The following CRISPLD1 variants were observed in gnomAD, a reference collection of about 807,000 sequenced individuals.
The protein encoded by CRISPLD1 is cysteine-rich secretory protein LCCL domain-containing 1.
In CRISPLD1, 60 loss-of-function variants were observed where a neutral mutation model predicts 77.5. The observed-to-expected ratio is 0.77, with a 90% confidence interval of 0.63 to 0.96. CRISPLD1 has a LOEUF of 0.96. Among genes scored for constraint, CRISPLD1 ranks in the 40% least tolerant of loss-of-function variants. The probability of loss-of-function intolerance (pLI) is 0.00; values close to 1 mark genes in which losing one functional copy is unlikely to be tolerated. For missense variants in CRISPLD1, 623 were observed against 615.8 expected (o/e 1.01, Z -0.12); for synonymous variants, 195 against 200.1 (o/e 0.97, Z 0.22).
At chr8:75,004,144 C>G (rs1278286873) in intron 2 of CRISPLD1, among the ~76,000 whole-genome samples, 1 of 152,114 alleles carries the variant, frequency 6.6e-6, no homozygotes, top group Non-Finnish European at 1.5e-5. Context: ...GCAGGAGACC[C>G]TAATTTGTGC....
chr8:75,015,392 AAAT>A (rs1264063827), intron 6 of CRISPLD1, among the ~76,000 whole-genome samples: 1 of 152,174 alleles, frequency 6.6e-6, no homozygotes, highest in African/African-American at 2.4e-5. Context: ...TGTCATGCTA[AAAT>A]AATAAGAAAA....
Position 75,029,490 on chromosome 8 carries a change from C to T in CRISPLD1, c.1424C>T (p.Ser475Phe), listed in dbSNP as rs1262820668. 6.2e-7 allele frequency: 1 copy of T among 1,613,668 alleles called. No individual in the cohort carries two copies. The highest frequency in any genetic ancestry group is 8.5e-7 in the Non-Finnish European group (1 of 1,179,720). ...PVDKRKTYIA[S>F]FQNGIFSESL... ...GACAAAAGAAAGACCTACATTGCTTCTTTTCAGAATGGAATCTTCTCAGAA... is the reference window on the plus strand; with the variant it reads ...GACAAAAGAAAGACCTACATTGCTTTTTTTCAGAATGGAATCTTCTCAGAA... Residue 475 changes from serine (S) to phenylalanine (F), a missense_variant, in exon 14 of 15, where the codon TCT becomes TTT. Transcript: ENST00000262207.
intron 3 of CRISPLD1, 21 bp downstream of exon 3, chr8:75,012,572 T>C (rs756586441): frequency 8.8e-6 from 13 of 1,474,398 alleles, no homozygotes; most frequent in Non-Finnish European, 1.1e-5. Context: ...GCACAACTTT[T>C]TCTTTATGAA....
intron 12 of CRISPLD1, among the ~76,000 whole-genome samples, chr8:75,023,059 C>T (rs1170665043): frequency 3.5e-5 from 5 of 144,080 alleles, no homozygotes; most frequent in Non-Finnish European, 6.0e-5. Flanking sequence ...CAAAGTTTAC[C>T]GGCAAATTGT....
chr8:75,028,033 T>C (rs977273515), intron 13 of CRISPLD1, among the ~76,000 whole-genome samples: 2 of 152,192 alleles, frequency 1.3e-5, no homozygotes, highest in East Asian at 1.9e-4. Flanking sequence ...GTAAATGTTA[T>C]ATCTAAGCAC....
rs1554593612 is a variant in CRISPLD1, at chr8:74,992,906, T to TTTTG, written c.258+6664_258+6665insGTTT. ...CCATGCTTAAAATTAGAAATTATGGTTTTTTTTTTTTTTTTTTTTTCCTTC... is the reference window on the plus strand; with the variant it reads ...CCATGCTTAAAATTAGAAATTATGGTTTTGTTTTTTTTTTTTTTTTTTTTCCTTC... On this transcript the variant is annotated intron_variant, in intron 2 of 14. Transcript: ENST00000262207. Among the ~76,000 whole-genome samples, 274 of 93,936 alleles carry TTTTG rather than the reference T, an allele frequency of 2.9e-3. 1 individual carries two copies. Among genetic ancestry groups the TTTTG allele is most frequent in the African/African-American group, 0.012 (252 of 20,616 alleles). The allele number at this position is 93,936 out of a possible 152,430, so 61.6% of individuals were successfully genotyped here. A position where few individuals can be genotyped will look rare whatever the true frequency, so the allele number is the denominator to read the frequency against.
chr8:75,025,513 C>T (rs778587859), intron 12 of CRISPLD1, 33 bp from the exon 13 acceptor site: 4 of 927,394 alleles, frequency 4.3e-6, no homozygotes, highest in Non-Finnish European at 6.1e-6. Context: ...AACCAGCTTA[C>T]TTAATATATA....
intron 12 of CRISPLD1, 66 bp downstream of exon 12, chr8:75,020,145 T>G: frequency 7.9e-7 from 1 of 1,272,260 alleles, no homozygotes; most frequent in East Asian, 2.3e-5. Context: ...AATTCTGATG[T>G]CTCTGGGATT....
In CRISPLD1 at chr8:75,013,018, C is replaced by A; in HGVS notation, c.506C>A (p.Thr169Lys). 1 of 1,591,986 alleles carries A rather than the reference C, an allele frequency of 6.3e-7. No individual in the cohort carries two copies. Among genetic ancestry groups the A allele is most frequent in the Non-Finnish European group, 8.6e-7 (1 of 1,166,332 alleles). The part of the protein sequence containing the change: ...RCSGPVCTHY[T>K]QVVWATSNRI... The stretch of plus-strand genomic sequence containing the variant: ...TCTGGCCCTGTATGTACACATTATA[C>A]ACAGGTATGTTTGGGGGGTATTATA... The change falls in exon 4 of 15, where the codon ACA becomes AAA. Residue 169 changes from threonine to lysine, a missense_variant. Transcript: ENST00000262207.
At chr8:75,012,396 C>T in intron 2 of CRISPLD1, 37 bp from the exon 3 acceptor site, 1 of 1,223,568 alleles carries the variant, frequency 8.2e-7, no homozygotes, top group Non-Finnish European at 1.2e-6. Flanking sequence ...TGTCCAAATG[C>T]TACATGTGCA....
intron 12 of CRISPLD1, among the ~76,000 whole-genome samples, chr8:75,021,216 T>C (rs1365468149): frequency 6.6e-6 from 1 of 152,202 alleles, no homozygotes; most frequent in Non-Finnish European, 1.5e-5. Flanking sequence ...ACTTAAAGAA[T>C]GGGATTGGCT....
At chr8:74,999,374 AAGAT>A (rs1651624398) in intron 2 of CRISPLD1, among the ~76,000 whole-genome samples, 1 of 152,214 alleles carries the variant, frequency 6.6e-6, no homozygotes, top group Non-Finnish European at 1.5e-5. Context: ...CAGGATATTA[AAGAT>A]AGAAAGCATA....
chr8:75,019,596 TTA>T (rs561256052), intron 10 of CRISPLD1, among the ~76,000 whole-genome samples: 6 of 151,118 alleles, frequency 4.0e-5, no homozygotes, highest in Admixed American at 6.6e-5. Flanking sequence ...AATATATTTT[TTA>T]TATATATATA....
chr8:75,030,032 A>G (rs1813306207), intron 14 of CRISPLD1, among the ~76,000 whole-genome samples: 1 of 152,158 alleles, frequency 6.6e-6, no homozygotes, highest in African/African-American at 2.4e-5. Context: ...CACTAGTGTC[A>G]TATATTTTGG....
chr8:75,025,459 T>C, intron 12 of CRISPLD1, 87 bp from the exon 13 acceptor site: 1 of 421,218 alleles, frequency 2.4e-6, no homozygotes, highest in Non-Finnish European at 3.9e-6. Context: ...GAGCTTACTT[T>C]GTGTATGCAT....
chr8:74,992,910 T>G lies in CRISPLD1; in HGVS notation c.258+6665T>G, dbSNP rs200855785. On this transcript the variant is annotated intron_variant, in intron 2 of 14. Transcript: ENST00000262207. ...GCTTAAAATTAGAAATTATGGTTTT[T>G]TTTTTTTTTTTTTTTTCCTTCTGTG... Among the ~76,000 whole-genome samples, 298 of 134,014 alleles carry G rather than the reference T, an allele frequency of 2.2e-3. 3 individuals carry two copies. Among genetic ancestry groups the G allele is most frequent in the African/African-American group, 3.7e-3 (118 of 32,052 alleles). The allele number at this position is 134,014 out of a possible 152,430, so 87.9% of individuals were successfully genotyped here. A position where few individuals can be genotyped will look rare whatever the true frequency, so the allele number is the denominator to read the frequency against.
At position 74,987,553 on chromosome 8, in the gene CRISPLD1, T is replaced by A. The variant is rs559333486; in HGVS notation, c.258+1308T>A. The stretch of plus-strand genomic sequence containing the variant: ...ATAACTAATTTTATGTTTCCTTATA[T>A]GGTTTAAATATAATATCTAAGGAAA... On this transcript the variant is annotated intron_variant, in intron 2 of 14. Transcript: ENST00000262207. Among the ~76,000 whole-genome samples the A allele has an allele frequency of 2.6e-5, 4 of 152,358 alleles. No homozygotes were observed. The East Asian group carries it at 5.8e-4, about 22-fold the overall frequency.
intron 2 of CRISPLD1, among the ~76,000 whole-genome samples, chr8:75,007,116 C>A (rs1812845707): frequency 6.6e-6 from 1 of 152,138 alleles, no homozygotes; most frequent in Admixed American, 6.6e-5. Flanking sequence ...GTCTTCAACT[C>A]TTGTTTAATG....
chr8:75,022,598 A>G (rs1813156791), intron 12 of CRISPLD1, among the ~76,000 whole-genome samples: 1 of 151,722 alleles, frequency 6.6e-6, no homozygotes, highest in African/African-American at 2.4e-5. Context: ...AGAAAAAAAA[A>G]AAAAAAAGAA....
Sources: gnomAD v4.1 joint callset for allele counts (sites outside exome capture counted in the v4.1 genomes callset) on GRCh38, gnomAD v4.1.1 for gene constraint, MANE v1.5 for transcripts, NCBI Gene and HGNC (gene_info 2026-07-23, HGNC 2026-07-21) for gene names.